Variants in CNTNAP2 observed in about 807,000 individuals in gnomAD.
CNTNAP2 encodes the protein contactin associated protein 2, also known as contactin-associated protein-like 2.
In CNTNAP2, 98 loss-of-function variants were observed where a neutral mutation model predicts 155.2. The ratio of observed to expected loss-of-function variants is 0.63; its 90% CI spans 0.54 to 0.75. The LOEUF is 0.75. Among genes scored for constraint, CNTNAP2 ranks in the 30% least tolerant of loss-of-function variants. The pLI is 0.00. For missense variants in CNTNAP2, 1,727 were observed against 1,688.1 expected (o/e 1.02, Z -0.40); for synonymous variants, 651 against 631.2 (o/e 1.03, Z -0.47).
intron 3 of CNTNAP2, among the ~76,000 whole-genome samples, chr7:147,035,144 AG>A (rs1799130009): frequency 6.6e-6 from 1 of 152,118 alleles, no homozygotes. Context: ...CTATGGAACG[AG>A]GGGATTGAGG....
chr7:147,159,914 TTTTTTATATGATATGA>T (rs1801995286), intron 8 of CNTNAP2, among the ~76,000 whole-genome samples: 1 of 151,582 alleles, frequency 6.6e-6, no homozygotes, highest in African/African-American at 2.4e-5. Context: ...TGAATCATAC[TTTTTTATATGATATGA>T]ATCAAAGTTT....
intron 3 of CNTNAP2, among the ~76,000 whole-genome samples, chr7:146,856,289 G>C (rs62481429): frequency 0.024 from 1,522 of 64,296 alleles, 9 homozygotes; most frequent in African/African-American, 0.048. Flanking sequence ...TAGATAGATA[G>C]ATAGATAGAT....
intron 2 of CNTNAP2, among the ~76,000 whole-genome samples, chr7:146,802,742 A>G (rs916933304): frequency 1.2e-4 from 18 of 152,148 alleles, no homozygotes; most frequent in Admixed American, 3.3e-4. Context: ...TCTTTTCTTC[A>G]TAAATTACCC....
intron 1 of CNTNAP2, among the ~76,000 whole-genome samples, chr7:146,675,508 G>T (rs974259638): frequency 1.3e-5 from 2 of 152,066 alleles, no homozygotes; most frequent in Middle Eastern, 3.2e-3. Context: ...GATGGGCAAG[G>T]CTTTTTGCTG....
intron 1 of CNTNAP2, among the ~76,000 whole-genome samples, chr7:146,469,048 A>G (rs548460471): frequency 6.6e-6 from 1 of 152,368 alleles, no homozygotes; most frequent in African/African-American, 2.4e-5. Context: ...ATAAGTTAGG[A>G]CAATTTTTAA....
At chr7:147,159,065 G>C (rs1389798577) in intron 8 of CNTNAP2, among the ~76,000 whole-genome samples, 1 of 152,066 alleles carries the variant, frequency 6.6e-6, no homozygotes, top group African/African-American at 2.4e-5. Context: ...TGGGCAAGAG[G>C]ATGAGTCAGT....
chr7:147,381,874 T>C (rs1359340853), intron 9 of CNTNAP2, among the ~76,000 whole-genome samples: 2 of 151,970 alleles, frequency 1.3e-5, no homozygotes, highest in Admixed American at 6.6e-5. Flanking sequence ...CCACAAATAC[T>C]ATTAAAAAAC....
intron 3 of CNTNAP2, among the ~76,000 whole-genome samples, chr7:146,979,273 A>G (rs1355419971): frequency 6.6e-6 from 1 of 152,074 alleles, no homozygotes; most frequent in Non-Finnish European, 1.5e-5. Context: ...CTCGTCTTAT[A>G]CTGTGTATGA....
intron 1 of CNTNAP2, among the ~76,000 whole-genome samples, chr7:146,438,161 G>A (rs939298182): frequency 2.0e-5 from 3 of 151,136 alleles, no homozygotes; most frequent in Admixed American, 6.6e-5. Context: ...TAGCAAGCCC[G>A]GAATGCCTAG....
At chr7:147,422,718 G>A (rs986531434) in intron 10 of CNTNAP2, among the ~76,000 whole-genome samples, 5 of 151,990 alleles carry the variant, frequency 3.3e-5, no homozygotes, top group South Asian at 2.1e-4. Context: ...TCTTTACATC[G>A]AGGATCAATT....
At chr7:146,314,177 A>T (rs1405389535) in intron 1 of CNTNAP2, among the ~76,000 whole-genome samples, 1 of 152,164 alleles carries the variant, frequency 6.6e-6, no homozygotes, top group African/African-American at 2.4e-5. Context: ...GATCATAAAT[A>T]CTTGAGCTTA....
chr7:148,066,493 C>CT (rs1299251989), intron 15 of CNTNAP2, among the ~76,000 whole-genome samples: 1 of 151,854 alleles, frequency 6.6e-6, no homozygotes, highest in Non-Finnish European at 1.5e-5. Flanking sequence ...ATTCTTTTTT[C>CT]TTTTTTTCTT....
chr7:146,392,059 T>C (rs1795552704), intron 1 of CNTNAP2, among the ~76,000 whole-genome samples: 1 of 152,182 alleles, frequency 6.6e-6, no homozygotes, highest in Non-Finnish European at 1.5e-5. Flanking sequence ...TATTAAGAAA[T>C]CATATGTATT....
intron 1 of CNTNAP2, among the ~76,000 whole-genome samples, chr7:146,246,200 G>A (rs1799648382): frequency 6.6e-6 from 1 of 151,344 alleles, no homozygotes; most frequent in African/African-American, 2.4e-5. Flanking sequence ...GGTCGCCAAG[G>A]AGGGAGTAGA....
intron 8 of CNTNAP2, among the ~76,000 whole-genome samples, chr7:147,225,742 A>AGAAGGAAGGAAGGAAGGAAG (rs56768185): frequency 2.9e-5 from 3 of 103,870 alleles, no homozygotes; most frequent in East Asian, 3.0e-4. Context: ...TAGGAAGGAA[A>AGAAGGAAGGAAGGAAGGAAG]GAAGGAAGGA....
intron 15 of CNTNAP2, among the ~76,000 whole-genome samples, chr7:147,994,213 A>T (rs1443632413): frequency 1.3e-5 from 2 of 152,104 alleles, no homozygotes; most frequent in East Asian, 3.9e-4. Flanking sequence ...TTTACAAAAA[A>T]ATAAAATAAT....
At chr7:147,939,761 C>T (rs1800682458) in intron 14 of CNTNAP2, among the ~76,000 whole-genome samples, 1 of 152,016 alleles carries the variant, frequency 6.6e-6, no homozygotes, top group African/African-American at 2.4e-5. Flanking sequence ...AAAGAAAAGG[C>T]AAGTGTCCAT....
chr7:147,469,869 T>G (rs1156683710), intron 10 of CNTNAP2, among the ~76,000 whole-genome samples: 1 of 152,084 alleles, frequency 6.6e-6, no homozygotes, highest in Non-Finnish European at 1.5e-5. Flanking sequence ...TGGGATGGCA[T>G]TTGTGCACAA....
At chr7:146,133,805 T>C (rs897749048) in intron 1 of CNTNAP2, among the ~76,000 whole-genome samples, 10 of 152,216 alleles carry the variant, frequency 6.6e-5, no homozygotes, top group African/African-American at 2.4e-4. Flanking sequence ...CATGCTGTTT[T>C]GGTTACTGTA....
Sources: gnomAD v4.1 joint callset for allele counts (sites outside exome capture counted in the v4.1 genomes callset) on GRCh38, gnomAD v4.1.1 for gene constraint, MANE v1.5 for transcripts, NCBI Gene and HGNC (gene_info 2026-07-23, HGNC 2026-07-21) for gene names.